Variants in CCDC148 observed in about 807,000 individuals in gnomAD.
CCDC148 encodes coiled-coil domain containing 148.
A neutral mutation model predicts 85.7 loss-of-function variants in CCDC148; 89 were observed. That is an observed-to-expected ratio of 1.04 (90% confidence interval 0.87 to 1.24). The LOEUF (loss-of-function observed/expected upper bound fraction) is 1.24. CCDC148 is among the 50% of genes most tolerant of loss of function. The pLI is 0.00. For missense variants in CCDC148, 692 were observed against 671.7 expected (o/e 1.03, Z -0.33); for synonymous variants, 230 against 213.9 (o/e 1.08, Z -0.66).
At chr2:158,350,856 G>A (rs1052593628) in intron 2 of CCDC148, among the ~76,000 whole-genome samples, 4 of 151,882 alleles carry the variant, frequency 2.6e-5, no homozygotes, top group South Asian at 2.1e-4. Context: ...TATTTTGCAC[G>A]GCCATCGTCG....
intron 11 of CCDC148, among the ~76,000 whole-genome samples, chr2:158,208,142 G>A (rs993111840): frequency 1.3e-5 from 2 of 152,158 alleles, no homozygotes; most frequent in Non-Finnish European, 2.9e-5. Context: ...ATGACCCTAG[G>A]GATCTTGGAT....
chr2:158,296,157 T>C (rs1691177732), intron 9 of CCDC148, among the ~76,000 whole-genome samples: 1 of 152,306 alleles, frequency 6.6e-6, no homozygotes, highest in African/African-American at 2.4e-5. Context: ...AAAACCAAGA[T>C]CATAAAAATT....
intron 9 of CCDC148, among the ~76,000 whole-genome samples, chr2:158,289,366 C>T (rs1373803279): frequency 6.6e-6 from 1 of 151,320 alleles, no homozygotes. Flanking sequence ...TGAACAAGTA[C>T]AAATCGATAA....
At chr2:158,219,511 C>T (rs1283331106) in intron 11 of CCDC148, among the ~76,000 whole-genome samples, 1 of 152,180 alleles carries the variant, frequency 6.6e-6, no homozygotes, top group Non-Finnish European at 1.5e-5. Context: ...TGTGTTTATG[C>T]CTTCTTGTTC....
At chr2:158,393,457 T>C (rs1685400556) in intron 1 of CCDC148, 1 of 152,128 alleles carries the variant, frequency 6.6e-6, no homozygotes, top group South Asian at 2.1e-4. Context: ...AGCAGGGGGC[T>C]TTCATCAATT....
intron 7 of CCDC148, among the ~76,000 whole-genome samples, chr2:158,318,864 G>A (rs945168595): frequency 9.2e-5 from 14 of 152,018 alleles, no homozygotes; most frequent in African/African-American, 3.1e-4. Context: ...TGAACTCCTG[G>A]ATTCAAGCAG....
intron 11 of CCDC148, among the ~76,000 whole-genome samples, chr2:158,216,647 T>C (rs2105297547): frequency 6.6e-6 from 1 of 152,246 alleles, no homozygotes; most frequent in East Asian, 1.9e-4. Context: ...ACTGGGTGAC[T>C]TGAACAACAG....
chr2:158,239,211 G>T (rs1260574762), intron 10 of CCDC148, among the ~76,000 whole-genome samples: 1 of 152,016 alleles, frequency 6.6e-6, no homozygotes, highest in Non-Finnish European at 1.5e-5. Context: ...TTAAATTCAA[G>T]ATTCTTTCTC....
intron 1 of CCDC148, among the ~76,000 whole-genome samples, chr2:158,391,912 A>C (rs563034498): frequency 1.3e-5 from 2 of 152,234 alleles, no homozygotes; most frequent in South Asian, 2.1e-4. Context: ...GACCTGGAGG[A>C]GGATCTGAAA....
intron 2 of CCDC148, among the ~76,000 whole-genome samples, chr2:158,352,891 T>C (rs1355302126): frequency 2.0e-5 from 3 of 152,004 alleles, no homozygotes; most frequent in African/African-American, 7.3e-5. Flanking sequence ...GCAGAAACCC[T>C]ACAAGCCAGA....
At chr2:158,188,355 C>T (rs1490364277) in intron 11 of CCDC148, among the ~76,000 whole-genome samples, 1 of 151,956 alleles carries the variant, frequency 6.6e-6, no homozygotes, top group Non-Finnish European at 1.5e-5. Context: ...GAGGTGACTT[C>T]ACATTTGGGA....
intron 10 of CCDC148, among the ~76,000 whole-genome samples, chr2:158,225,969 G>A (rs550325134): frequency 5.9e-5 from 9 of 152,178 alleles, no homozygotes; most frequent in Admixed American, 4.6e-4. Flanking sequence ...GCAGAACTGA[G>A]GGAAATAGAG....
chr2:158,228,851 C>T (rs902495320), intron 10 of CCDC148, among the ~76,000 whole-genome samples: 3 of 150,608 alleles, frequency 2.0e-5, no homozygotes, highest in African/African-American at 7.3e-5. Context: ...GGAGATATAC[C>T]TAATGTTAAA....
At chr2:158,382,238 C>CTAGTGG (rs1684901779) in intron 1 of CCDC148, among the ~76,000 whole-genome samples, 1 of 152,084 alleles carries the variant, frequency 6.6e-6, no homozygotes, top group Non-Finnish European at 1.5e-5. Flanking sequence ...TATTAATTAC[C>CTAGTGG]TAGTCTACAG....
chr2:158,245,053 A>C (rs189484466), intron 10 of CCDC148, among the ~76,000 whole-genome samples: 152 of 152,294 alleles, frequency 1.0e-3, no homozygotes, highest in African/African-American at 3.6e-3. Context: ...GAACCTACAA[A>C]TTCCCACACT....
intron 11 of CCDC148, among the ~76,000 whole-genome samples, chr2:158,203,933 G>A (rs1686096874): frequency 6.6e-6 from 1 of 152,092 alleles, no homozygotes; most frequent in Admixed American, 6.6e-5. Context: ...TCTTTCCTTT[G>A]TTTAGAATAA....
intron 1 of CCDC148, among the ~76,000 whole-genome samples, chr2:158,406,623 T>TCTGTTTC (rs372903099): frequency 2.9e-5 from 3 of 102,860 alleles, no homozygotes; most frequent in African/African-American, 9.7e-5. Context: ...CTTTTTTTTT[T>TCTGTTTC]TTTTTTTTTT....
At chr2:158,362,307 C>T (rs189865181) in intron 1 of CCDC148, among the ~76,000 whole-genome samples, 1 of 152,280 alleles carries the variant, frequency 6.6e-6, no homozygotes, top group East Asian at 1.9e-4. Context: ...GAACTCAGCT[C>T]TGGATCAAGC....
chr2:158,210,917 C>T (rs2105291906), intron 11 of CCDC148, among the ~76,000 whole-genome samples: 1 of 148,792 alleles, frequency 6.7e-6, no homozygotes, highest in South Asian at 2.1e-4. Flanking sequence ...CAAGATCATG[C>T]CACTGCACTC....
Sources: allele counts gnomAD v4.1 joint callset (sites outside exome capture counted in the v4.1 genomes callset), GRCh38; gene constraint gnomAD v4.1.1; transcripts MANE v1.5; gene names NCBI Gene and HGNC (gene_info 2026-07-23, HGNC 2026-07-21).